CDH13: variants seen among roughly 807,000 people sequenced by gnomAD.
CDH13 encodes cadherin 13.
CDH13 carries 24 observed loss-of-function variants against 63.8 expected under a neutral mutation model. That is an observed-to-expected ratio of 0.38 (90% CI 0.27 to 0.53). CDH13 has a LOEUF of 0.53. Among genes scored for constraint, CDH13 ranks in the 20% least tolerant of loss-of-function variants. CDH13 has a pLI of 0.85. For synonymous variants in CDH13, 503 were observed against 355.3 expected, an observed-to-expected ratio of 1.42 and a Z score of -4.67; for missense variants, 1,049 against 903.1, an observed-to-expected ratio of 1.16 and a Z score of -2.07.
chr16:82,736,168 C>T (rs1326396165), intron 1 of CDH13, among the ~76,000 whole-genome samples: 2 of 152,134 alleles, frequency 1.3e-5, no homozygotes. Context: ...GTCAAAATCT[C>T]GAAGCCACTT....
chr16:83,567,609 G>C, intron 7 of CDH13, among the ~76,000 whole-genome samples: 1 of 152,054 alleles, frequency 6.6e-6, no homozygotes, highest in East Asian at 1.9e-4. Context: ...TTTTGTTTTT[G>C]TTTTGAGACA....
In CDH13 at chr16:83,379,938, T is replaced by TATATATATATATATAGAGAGAGAG; in HGVS notation, c.781+34933_781+34934insTATATATATATATAGAGAGAGAGA. Among the ~76,000 whole-genome samples the TATATATATATATATAGAGAGAGAG allele has an allele frequency of 2.1e-3, 256 of 123,420 alleles. 1 individual carries two copies. The highest frequency in any genetic ancestry group is 3.0e-3 in the Non-Finnish European group (181 of 61,114). The allele number at this position is 123,420 out of a possible 152,430, so 81.0% of individuals were successfully genotyped here. Reference sequence around the variant, plus strand: ...GTGTGTGTATATATATATATATATATAGAGAGAGAGAGAGAGAGAGAGAGA... The same window carrying TATATATATATATATAGAGAGAGAG: ...GTGTGTGTATATATATATATATATATATATATATATATATAGAGAGAGAGAGAGAGAGAGAGAGAGAGAGAGAGA... On this transcript the variant is annotated intron_variant, in intron 6 of 13. Transcript: ENST00000567109.
chr16:83,026,014 G>A (rs1915767862), intron 2 of CDH13, among the ~76,000 whole-genome samples: 1 of 152,206 alleles, frequency 6.6e-6, no homozygotes, highest in African/African-American at 2.4e-5. Flanking sequence ...CCAGCCTTGA[G>A]AAAGAACCAT....
At chr16:82,918,428 T>C (rs1458924996) in intron 2 of CDH13, among the ~76,000 whole-genome samples, 2 of 152,024 alleles carry the variant, frequency 1.3e-5, no homozygotes, top group African/African-American at 2.4e-5. Context: ...GCATGGTTTT[T>C]GTCTGGTTAT....
chr16:83,351,405 G>C (rs75015286), intron 6 of CDH13, among the ~76,000 whole-genome samples: 2,066 of 151,616 alleles, frequency 0.014, 49 homozygotes, highest in African/African-American at 0.047. Context: ...AACCACAGTT[G>C]ACATTTTAGT....
chr16:82,928,038 G>T (rs753422460), intron 2 of CDH13, among the ~76,000 whole-genome samples: 15 of 152,168 alleles, frequency 9.9e-5, no homozygotes, highest in Non-Finnish European at 1.6e-4. Context: ...TTCATGCATT[G>T]TGATGGGGAT....
intron 1 of CDH13, among the ~76,000 whole-genome samples, chr16:82,761,898 A>G (rs1014555016): frequency 2.0e-5 from 3 of 152,218 alleles, no homozygotes; most frequent in African/African-American, 7.2e-5. Flanking sequence ...TCAAAATATA[A>G]TAACTTTAGA....
At chr16:82,659,306 G>C (rs1446568818) in intron 1 of CDH13, among the ~76,000 whole-genome samples, 1 of 152,108 alleles carries the variant, frequency 6.6e-6, no homozygotes, top group African/African-American at 2.4e-5. Context: ...GTAGAAACAC[G>C]TAACTCATAA....
chr16:83,651,012 G>T (rs549404617), intron 8 of CDH13, among the ~76,000 whole-genome samples: 1 of 151,850 alleles, frequency 6.6e-6, no homozygotes, highest in East Asian at 1.9e-4. Flanking sequence ...GAGGCAGAAG[G>T]CTCCATTGAG....
chr16:82,636,692 A>C (rs1908696471), intron 1 of CDH13, among the ~76,000 whole-genome samples: 1 of 152,200 alleles, frequency 6.6e-6, no homozygotes, highest in Non-Finnish European at 1.5e-5. Context: ...ACTGGGTGCC[A>C]GGCAGTGGTA....
At chr16:82,867,780 G>C (rs558115696) in intron 2 of CDH13, among the ~76,000 whole-genome samples, 1 of 152,134 alleles carries the variant, frequency 6.6e-6, no homozygotes, top group African/African-American at 2.4e-5. Flanking sequence ...CACAACAAAG[G>C]CTCTTTTGAC....
chr16:82,653,292 T>G (rs1186890655), intron 1 of CDH13, among the ~76,000 whole-genome samples: 4 of 152,186 alleles, frequency 2.6e-5, no homozygotes. Context: ...AGCTGAATAC[T>G]TGGGCTTTTG....
intron 5 of CDH13, among the ~76,000 whole-genome samples, chr16:83,289,472 T>G (rs974691320): frequency 7.2e-5 from 11 of 152,202 alleles, no homozygotes; most frequent in African/African-American, 2.4e-4. Context: ...TTCAGCACTC[T>G]TAAGGTGATT....
chr16:83,236,819 G>A (rs1291827128), intron 5 of CDH13, among the ~76,000 whole-genome samples: 2 of 152,146 alleles, frequency 1.3e-5, no homozygotes, highest in African/African-American at 4.8e-5. Context: ...GGCAGGGGTG[G>A]GAAGGAGGGC....
chr16:83,466,744 C>G (rs1399298021), intron 6 of CDH13, among the ~76,000 whole-genome samples: 2 of 152,192 alleles, frequency 1.3e-5, no homozygotes, highest in Non-Finnish European at 2.9e-5. Flanking sequence ...CATCTGCCAT[C>G]CTGGGTCATC....
At chr16:83,391,199 C>A (rs1216427026) in intron 6 of CDH13, among the ~76,000 whole-genome samples, 1 of 149,706 alleles carries the variant, frequency 6.7e-6, no homozygotes, top group Non-Finnish European at 1.5e-5. Context: ...AGATGTTAAC[C>A]TGCCTACACA....
At chr16:83,157,734 AAT>A (rs1402133696) in intron 4 of CDH13, among the ~76,000 whole-genome samples, 2 of 125,590 alleles carry the variant, frequency 1.6e-5, no homozygotes, top group African/African-American at 3.5e-5. Context: ...CTCTACTAGA[AAT>A]ATAAAAAAAA....
chr16:83,563,239 C>T (rs571178350), intron 7 of CDH13, among the ~76,000 whole-genome samples: 2 of 152,316 alleles, frequency 1.3e-5, no homozygotes, highest in East Asian at 3.9e-4. Flanking sequence ...CATGGGGAAG[C>T]ATTACTAAAT....
intron 4 of CDH13, among the ~76,000 whole-genome samples, chr16:83,160,398 A>C (rs748903944): frequency 1.4e-4 from 22 of 152,188 alleles, no homozygotes; most frequent in Non-Finnish European, 2.5e-4. Flanking sequence ...TCAAGCAGGT[A>C]GCAATTAAGA....
Sources: gnomAD v4.1 joint callset for allele counts (sites outside exome capture counted in the v4.1 genomes callset) on GRCh38, gnomAD v4.1.1 for gene constraint, MANE v1.5 for transcripts, NCBI Gene and HGNC (gene_info 2026-07-23, HGNC 2026-07-21) for gene names.